BAZ2B: variants seen among roughly 807,000 people sequenced by gnomAD.
BAZ2B encodes bromodomain adjacent to zinc finger domain protein 2B.
Under a neutral mutation model 246.0 loss-of-function variants are expected in BAZ2B, and 91 were observed. The observed-to-expected ratio is 0.37, with a 90% CI of 0.31 to 0.44. The LOEUF (loss-of-function observed/expected upper bound fraction) is 0.44. Among genes scored for constraint, BAZ2B ranks in the 20% least tolerant of loss-of-function variants. The pLI, the probability that BAZ2B is intolerant of heterozygous loss-of-function variation, is 1.00. For synonymous variants in BAZ2B, 855 were observed against 860.0 expected, an observed-to-expected ratio of 0.99 and a Z score of 0.10; for missense variants, 2,332 against 2,533.7, an observed-to-expected ratio of 0.92 and a Z score of 1.71.
At chr2:159,696,953 ATTG>A in the BAZ2B span, among the ~76,000 whole-genome samples, 2 of 152,112 alleles carry the variant, frequency 1.3e-5, no homozygotes, top group Non-Finnish European at 2.9e-5. Context: ...CACTCGGCTA[ATTG>A]TTGTATTTTT....
chr2:159,325,106 ATATATATATTT>A (rs2063446027), intron 35 of BAZ2B, 152 bp from the exon 36 acceptor site: 1 of 3,348 alleles, frequency 3.0e-4, no homozygotes, highest in Non-Finnish European at 6.9e-4. Flanking sequence ...ATATATATAT[ATATATATATTT>A]TATATATATA....
the BAZ2B span, among the ~76,000 whole-genome samples, chr2:159,628,693 G>A: frequency 2.0e-5 from 3 of 152,106 alleles, no homozygotes; most frequent in African/African-American, 4.8e-5. Context: ...AGACTTAAAC[G>A]TAAGACCTAA....
the BAZ2B span, among the ~76,000 whole-genome samples, chr2:159,706,265 G>A: frequency 5.3e-5 from 8 of 152,032 alleles, no homozygotes; most frequent in Admixed American, 3.3e-4. Flanking sequence ...GGCGAAAAAC[G>A]GAAAAGAGAA....
intron 18 of BAZ2B, 54 bp from the exon 19 acceptor site, chr2:159,397,443 C>A: frequency 8.2e-7 from 1 of 1,223,292 alleles, no homozygotes; most frequent in Non-Finnish European, 1.2e-6. Context: ...TTAGAACATG[C>A]TAAAAGTATT....
intron 2 of BAZ2B, among the ~76,000 whole-genome samples, chr2:159,524,626 G>T (rs1461830090): frequency 6.6e-6 from 1 of 152,106 alleles, no homozygotes; most frequent in Non-Finnish European, 1.5e-5. Flanking sequence ...AAAACAAGTG[G>T]AAAAGTTGTT....
At chr2:159,630,134 A>G in the BAZ2B span, among the ~76,000 whole-genome samples, 417 of 152,354 alleles carry the variant, frequency 2.7e-3, 1 homozygote, top group Admixed American at 5.8e-3. Flanking sequence ...ATATAAAGTC[A>G]TTTACATTAT....
intron 1 of BAZ2B, among the ~76,000 whole-genome samples, chr2:159,611,239 C>A (rs1024511211): frequency 2.6e-5 from 4 of 151,790 alleles, no homozygotes; most frequent in African/African-American, 7.2e-5. Flanking sequence ...ACTATATTAT[C>A]TCTAAAGATA....
chr2:159,598,200 G>A (rs1281259263), intron 1 of BAZ2B, among the ~76,000 whole-genome samples: 1 of 151,886 alleles, frequency 6.6e-6, no homozygotes, highest in African/African-American at 2.4e-5. Context: ...CACCATATTG[G>A]CCAGGCTGGT....
intron 2 of BAZ2B, among the ~76,000 whole-genome samples, chr2:159,498,218 C>T (rs1003661011): frequency 5.3e-5 from 8 of 151,870 alleles, no homozygotes; most frequent in African/African-American, 1.9e-4. Flanking sequence ...CGTGTTTGGC[C>T]AGGAGAATAC....
the BAZ2B span, among the ~76,000 whole-genome samples, chr2:159,681,013 G>T: frequency 6.6e-6 from 1 of 152,138 alleles, no homozygotes; most frequent in Non-Finnish European, 1.5e-5. Flanking sequence ...AATTGCTAGG[G>T]AGAGACTTCT....
intron 2 of BAZ2B, among the ~76,000 whole-genome samples, chr2:159,493,333 T>C (rs898789622): frequency 1.3e-5 from 2 of 152,156 alleles, no homozygotes; most frequent in Non-Finnish European, 2.9e-5. Context: ...TTATAGAAAG[T>C]TTTATGGCAC....
intron 4 of BAZ2B, among the ~76,000 whole-genome samples, chr2:159,451,951 A>G (rs748488106): frequency 3.3e-5 from 5 of 152,106 alleles, no homozygotes; most frequent in Admixed American, 6.5e-5. Context: ...AGATATCACT[A>G]TCTATATTGT....
chr2:159,369,475 A>T lies in BAZ2B; in HGVS notation c.4213+3570T>A, dbSNP rs543419049. Among the ~76,000 whole-genome samples the T allele has an allele frequency of 1.4e-4, 21 of 152,300 alleles. No homozygotes were observed. In the East Asian group the frequency reaches 4.0e-3, roughly 29 times the overall value. ...TGATATGATGACAGAATGTGATGGA[A>T]GGAGGGAATTGTATATAGAGAAGTT... On this transcript the variant is annotated intron_variant, in intron 27 of 36. Transcript: ENST00000392783.
chr2:159,472,995 C>T (rs1171952450), intron 3 of BAZ2B, among the ~76,000 whole-genome samples: 2 of 152,140 alleles, frequency 1.3e-5, no homozygotes, highest in Admixed American at 6.5e-5. Flanking sequence ...TGATGCTGGC[C>T]TCATAAAATG....
chr2:159,646,721 A>AG, the BAZ2B span, among the ~76,000 whole-genome samples: 4 of 152,076 alleles, frequency 2.6e-5, no homozygotes, highest in Non-Finnish European at 5.9e-5. Flanking sequence ...CAACACTAAT[A>AG]GGCCATGGGC....
intron 2 of BAZ2B, among the ~76,000 whole-genome samples, chr2:159,518,528 GGT>G (rs367549423): frequency 1.5e-4 from 23 of 152,250 alleles, no homozygotes; most frequent in African/African-American, 5.3e-4. Flanking sequence ...TGCAAAATGA[GGT>G]GGGAAGGCAG....
At chr2:159,549,071 A>C (rs1320434254) in intron 2 of BAZ2B, among the ~76,000 whole-genome samples, 2 of 152,052 alleles carry the variant, frequency 1.3e-5, no homozygotes, top group Non-Finnish European at 1.5e-5. Flanking sequence ...AGTTGAGGTC[A>C]AGAGTTCGAG....
intron 1 of BAZ2B, among the ~76,000 whole-genome samples, chr2:159,593,689 A>G (rs1348301214): frequency 2.6e-5 from 4 of 152,200 alleles, no homozygotes; most frequent in East Asian, 1.9e-4. Context: ...TTTGTCCAGC[A>G]TATCTACTCT....
intron 2 of BAZ2B, among the ~76,000 whole-genome samples, chr2:159,509,233 T>C (rs2082654081): frequency 6.6e-6 from 1 of 152,166 alleles, no homozygotes; most frequent in Non-Finnish European, 1.5e-5. Context: ...AGTGATTTTA[T>C]ATTATAATGC....
Sources: gnomAD v4.1 joint callset for allele counts (sites outside exome capture counted in the v4.1 genomes callset) on GRCh38, gnomAD v4.1.1 for gene constraint, MANE v1.5 for transcripts, NCBI Gene and HGNC (gene_info 2026-07-23, HGNC 2026-07-21) for gene names.